The following PPP2R2C variants were observed in gnomAD, a reference collection of about 807,000 sequenced individuals.
The protein encoded by PPP2R2C is protein phosphatase 2, regulatory subunit B, gamma.
In PPP2R2C, 10 loss-of-function variants were observed where a neutral mutation model predicts 45.3. The ratio of observed to expected loss-of-function variants is 0.22; its 90% CI spans 0.14 to 0.37. PPP2R2C has a LOEUF of 0.37. Ranked by LOEUF, PPP2R2C falls within the 10% of genes least tolerant of loss-of-function variation. PPP2R2C has a pLI of 1.00. For missense variants in PPP2R2C, 308 were observed against 619.7 expected (o/e 0.50, Z 5.34); for synonymous variants, 257 against 245.4 (o/e 1.05, Z -0.44).
At chr4:6,512,208 G>A (rs1577231282) in intron 2 of PPP2R2C, among the ~76,000 whole-genome samples, 2 of 102,532 alleles carry the variant, frequency 2.0e-5, no homozygotes, top group Non-Finnish European at 2.1e-5. Context: ...TGATGGTGGT[G>A]GTGATGGTGG....
At chr4:6,488,850 C>T (rs1434385996) in intron 2 of PPP2R2C, among the ~76,000 whole-genome samples, 1 of 152,202 alleles carries the variant, frequency 6.6e-6, no homozygotes, top group Non-Finnish European at 1.5e-5. Flanking sequence ...ATTTTCCAGT[C>T]TGGCTGGTAA....
chr4:6,456,023 G>A (rs1454234580), intron 1 of PPP2R2C, among the ~76,000 whole-genome samples: 9 of 152,058 alleles, frequency 5.9e-5, no homozygotes, highest in Non-Finnish European at 1.3e-4. Flanking sequence ...CCTTCTTCCT[G>A]AATCCCCCTA....
chr4:6,372,365 G>A (rs1289658944), intron 5 of PPP2R2C, among the ~76,000 whole-genome samples, 158 bp downstream of exon 5: 1 of 152,184 alleles, frequency 6.6e-6, no homozygotes, highest in African/African-American at 2.4e-5. Flanking sequence ...TTTGTATCTG[G>A]GCCTCACACG....
chr4:6,391,676 TG>T (rs538316272), intron 1 of PPP2R2C, among the ~76,000 whole-genome samples: 45 of 152,286 alleles, frequency 3.0e-4, no homozygotes, highest in African/African-American at 9.1e-4. Context: ...CTGTGACTGG[TG>T]GTCAGCCTGC....
intron 2 of PPP2R2C, among the ~76,000 whole-genome samples, chr4:6,504,677 G>C (rs1723163645): frequency 6.6e-6 from 1 of 152,026 alleles, no homozygotes; most frequent in African/African-American, 2.4e-5. Context: ...AAATTCACTG[G>C]ATATACTAAA....
chr4:6,431,935 G>C (rs1403602697), intron 1 of PPP2R2C, among the ~76,000 whole-genome samples: 1 of 152,146 alleles, frequency 6.6e-6, no homozygotes, highest in African/African-American at 2.4e-5. Context: ...TCAGTGTCTG[G>C]GGAGGGCCTC....
chr4:6,397,508 A>G (rs903218165), intron 1 of PPP2R2C, among the ~76,000 whole-genome samples: 3 of 152,174 alleles, frequency 2.0e-5, no homozygotes, highest in Admixed American at 2.0e-4. Flanking sequence ...CAGGATAAAC[A>G]GAAGTTGGAA....
At chr4:6,535,809 C>G (rs984825797) in intron 1 of PPP2R2C, among the ~76,000 whole-genome samples, 3 of 152,222 alleles carry the variant, frequency 2.0e-5, no homozygotes, top group Admixed American at 6.5e-5. Context: ...CACTCAGGCA[C>G]AGGGACAGCT....
At chr4:6,427,809 T>C (rs1355330202) in intron 1 of PPP2R2C, among the ~76,000 whole-genome samples, 5 of 152,324 alleles carry the variant, frequency 3.3e-5, no homozygotes, top group African/African-American at 1.2e-4. Context: ...AGTGGTGTTC[T>C]CTAACACACA....
At position 6,504,309 on chromosome 4, in the gene PPP2R2C, C is replaced by CT. The variant is rs537587089; in HGVS notation, c.49+30961dup. 4.3e-3 allele frequency among the ~76,000 whole-genome samples: 648 copies of CT among 152,330 alleles called. 4 individuals carry two copies. The highest frequency in any genetic ancestry group is 0.014 in the African/African-American group (597 of 41,566). ...TTCTGCAAGGGGGACATTTTACAGT[C>CT]TGAGTACAGCCAACTTAACTGCCTA... is the stretch of plus-strand genomic sequence containing the variant. On this transcript the variant is annotated intron_variant, in intron 2 of 9. Coordinates refer to the PPP2R2C transcript ENST00000506140.
chr4:6,428,032 A>G (rs900644801), intron 1 of PPP2R2C, among the ~76,000 whole-genome samples: 13 of 152,222 alleles, frequency 8.5e-5, no homozygotes, highest in Admixed American at 7.9e-4. Context: ...TGAAAGAACA[A>G]GCTGTGCCCA....
intron 2 of PPP2R2C, among the ~76,000 whole-genome samples, chr4:6,493,682 G>A (rs763020817): frequency 1.1e-4 from 16 of 151,886 alleles, no homozygotes; most frequent in South Asian, 4.2e-4. Context: ...CACCCGCAGC[G>A]GAACACACCC....
rs535686532 is a variant in PPP2R2C at position 6,329,161 on chromosome 4, G to A, written c.1052+101C>T. 2 of 1,122,918 alleles carry A rather than the reference G, an allele frequency of 1.8e-6. No individual in the cohort carries two copies. Among genetic ancestry groups the A allele is most frequent in the African/African-American group, 3.1e-5 (2 of 65,478 alleles). 69.6% of individuals were successfully genotyped at this position (1,122,918 alleles called of 1,614,324 possible). A position where few individuals can be genotyped will look rare whatever the true frequency, so the allele number is the denominator to read the frequency against. On this transcript the variant is annotated intron_variant, in intron 8 of 8. Coordinates refer to ENST00000382599, the MANE Select transcript of PPP2R2C (RefSeq NM_020416.4). This position sits in a 1 kb window ranked among gnomAD's most constrained non-coding sequence, Gnocchi z 5.8. ...AGACACCTGGACCCATTGAGGCTGAGTAGCCCCATGCTGCGGGTCACCGGA... is the reference window on the plus strand; with the variant it reads ...AGACACCTGGACCCATTGAGGCTGAATAGCCCCATGCTGCGGGTCACCGGA...
In PPP2R2C at chr4:6,378,187, G is replaced by A. The variant is rs1339084103; in HGVS notation, c.334+220C>T. ...TACTCACTCATGGGATTTACATGCTGCTCAAAAAGGGGGGCAGCCCTGTGT... is the reference window on the plus strand; with the variant it reads ...TACTCACTCATGGGATTTACATGCTACTCAAAAAGGGGGGCAGCCCTGTGT... On this transcript the variant is annotated intron_variant, in intron 3 of 8. Coordinates refer to ENST00000382599, the MANE Select transcript of PPP2R2C (RefSeq NM_020416.4). This position sits in a 1 kb window ranked among gnomAD's most constrained non-coding sequence, Gnocchi z 5.2. 6.6e-6 allele frequency among the ~76,000 whole-genome samples: 1 copy of A among 151,832 alleles called. No individual in the cohort carries two copies. The highest frequency in any genetic ancestry group is 1.9e-4 in the East Asian group (1 of 5,160).
chr4:6,443,012 G>A (rs547192375), intron 1 of PPP2R2C, among the ~76,000 whole-genome samples: 23 of 152,342 alleles, frequency 1.5e-4, no homozygotes, highest in African/African-American at 5.5e-4. Context: ...CTACTTCACA[G>A]CCTCCCTGCT....
At chr4:6,475,576 T>C (rs764155260), upstream of PPP2R2C, among the ~76,000 whole-genome samples, 7 of 152,218 alleles carry the variant, frequency 4.6e-5, no homozygotes, top group Non-Finnish European at 8.8e-5. Flanking sequence ...TTCCTGTTCC[T>C]GGAACCAGTG....
At chr4:6,421,575 C>T (rs1208028859) in intron 1 of PPP2R2C, among the ~76,000 whole-genome samples, 5 of 152,130 alleles carry the variant, frequency 3.3e-5, no homozygotes, top group East Asian at 1.9e-4. Context: ...AAACGAAGCC[C>T]ACAGACCTGG....
chr4:6,362,413 C>T (rs1713853830), intron 5 of PPP2R2C, among the ~76,000 whole-genome samples: 1 of 152,166 alleles, frequency 6.6e-6, no homozygotes, highest in Non-Finnish European at 1.5e-5. Context: ...GGAGGCAGGC[C>T]AGGGTCGCAC....
chr4:6,397,645 G>C (rs1717131911), intron 1 of PPP2R2C, among the ~76,000 whole-genome samples: 1 of 132,670 alleles, frequency 7.5e-6, no homozygotes, highest in East Asian at 2.9e-4. Flanking sequence ...GAGGCTAAGG[G>C]CAAGTGCAGC....
Sources: allele counts gnomAD v4.1 joint callset (sites outside exome capture counted in the v4.1 genomes callset), GRCh38; gene constraint gnomAD v4.1.1; non-coding constraint Gnocchi (gnomAD v3.1); transcripts MANE v1.5; gene names NCBI Gene and HGNC (gene_info 2026-07-23, HGNC 2026-07-21).